The following PRR16 variants were observed in gnomAD, a reference collection of about 807,000 sequenced individuals.
PRR16 encodes the protein protein Largen.
In PRR16, 6 loss-of-function variants were observed where a neutral mutation model predicts 18.2. The observed-to-expected ratio is 0.33, with a 90% CI of 0.18 to 0.65. The LOEUF (loss-of-function observed/expected upper bound fraction) is 0.65. Ranked by LOEUF, PRR16 falls within the 30% of genes least tolerant of loss-of-function variation. PRR16 has a pLI of 0.74. For synonymous variants in PRR16, 151 were observed against 147.8 expected, an observed-to-expected ratio of 1.02 and a Z score of -0.16; for missense variants, 412 against 376.6, an observed-to-expected ratio of 1.09 and a Z score of -0.78.
chr5:120,505,126 C>T (rs1010578704), intron 1 of PRR16, among the ~76,000 whole-genome samples: 1 of 152,174 alleles, frequency 6.6e-6, no homozygotes, highest in Non-Finnish European at 1.5e-5. Context: ...TCTTTTCCTT[C>T]TGCTTTCTTT....
chr5:120,749,355 G>A, the PRR16 span, among the ~76,000 whole-genome samples: 2 of 152,102 alleles, frequency 1.3e-5, no homozygotes, highest in African/African-American at 4.8e-5. Flanking sequence ...TATGTTAGGA[G>A]TTTGAATAAT....
At chr5:120,553,222 A>G (rs1752308960) in intron 1 of PRR16, among the ~76,000 whole-genome samples, 1 of 151,894 alleles carries the variant, frequency 6.6e-6, no homozygotes, top group Admixed American at 6.6e-5. Context: ...AATGTTTGGT[A>G]GGACTACTAA....
intron 1 of PRR16, among the ~76,000 whole-genome samples, chr5:120,593,704 A>G (rs571170331): frequency 5.0e-4 from 76 of 152,138 alleles, no homozygotes; most frequent in African/African-American, 1.6e-3. Flanking sequence ...CAACGAAAGG[A>G]AGGATATCAG....
chr5:120,472,440 C>T (rs1749300202), intron 1 of PRR16, among the ~76,000 whole-genome samples: 1 of 152,094 alleles, frequency 6.6e-6, no homozygotes, highest in Non-Finnish European at 1.5e-5. Flanking sequence ...CTCCCTCCCC[C>T]CATATCACAA....
intron 1 of PRR16, among the ~76,000 whole-genome samples, chr5:120,658,550 T>A (rs1756064899): frequency 6.6e-6 from 1 of 151,950 alleles, no homozygotes; most frequent in Non-Finnish European, 1.5e-5. Context: ...GTCTAAAAAT[T>A]TACTTGCTAA....
chr5:120,479,671 TGTAAA>T (rs1749548616), intron 1 of PRR16, among the ~76,000 whole-genome samples: 1 of 152,274 alleles, frequency 6.6e-6, no homozygotes, highest in East Asian at 1.9e-4. Context: ...TGCTAGCACT[TGTAAA>T]GAAGAAGATA....
chr5:120,544,553 A>G (rs1403282072), intron 1 of PRR16, among the ~76,000 whole-genome samples: 1 of 152,134 alleles, frequency 6.6e-6, no homozygotes, highest in African/African-American at 2.4e-5. Flanking sequence ...TGACACTAAA[A>G]CCAAAACTTT....
chr5:120,561,054 T>C (rs1290715493), intron 1 of PRR16, among the ~76,000 whole-genome samples: 1 of 152,022 alleles, frequency 6.6e-6, no homozygotes. Flanking sequence ...AAATTTTATC[T>C]TTTCAAGAAA....
At chr5:120,527,225 T>C (rs66852733) in intron 1 of PRR16, among the ~76,000 whole-genome samples, 24,535 of 152,198 alleles carry the variant, frequency 0.16, 2,554 homozygotes, top group African/African-American at 0.3. Context: ...ATTTTAATGA[T>C]GAAATTCAAA....
At chr5:120,541,682 A>G (rs1751920882) in intron 1 of PRR16, among the ~76,000 whole-genome samples, 1 of 152,142 alleles carries the variant, frequency 6.6e-6, no homozygotes, top group Non-Finnish European at 1.5e-5. Context: ...AGAGTTTTAT[A>G]CTTTCATTTC....
chr5:120,739,687 G>A, the PRR16 span, among the ~76,000 whole-genome samples: 3 of 152,010 alleles, frequency 2.0e-5, no homozygotes, highest in African/African-American at 4.8e-5. Context: ...AAAATGTTTT[G>A]GCTATAGAAG....
intron 1 of PRR16, among the ~76,000 whole-genome samples, chr5:120,674,933 A>G (rs1454775509): frequency 6.6e-6 from 1 of 150,834 alleles, no homozygotes; most frequent in African/African-American, 2.4e-5. Flanking sequence ...TTTTTATTTT[A>G]TTGCTTTTTT....
chr5:120,515,377 A>C (rs990233292), intron 1 of PRR16, among the ~76,000 whole-genome samples: 1 of 152,204 alleles, frequency 6.6e-6, no homozygotes, highest in African/African-American at 2.4e-5. Flanking sequence ...GACACATTCA[A>C]ACCATAGCAA....
At chr5:120,681,965 G>C (rs1185120760) in intron 1 of PRR16, among the ~76,000 whole-genome samples, 1 of 152,170 alleles carries the variant, frequency 6.6e-6, no homozygotes, top group Non-Finnish European at 1.5e-5. Context: ...GTACTTTAGA[G>C]GACACTTCAG....
intron 1 of PRR16, among the ~76,000 whole-genome samples, chr5:120,630,615 C>G (rs1487382409): frequency 1.3e-5 from 2 of 152,096 alleles, no homozygotes; most frequent in Non-Finnish European, 1.5e-5. Flanking sequence ...AGGAAAACAT[C>G]CATGTCTTCT....
chr5:120,537,462 G>T (rs1580699833), intron 1 of PRR16, among the ~76,000 whole-genome samples: 2 of 152,200 alleles, frequency 1.3e-5, no homozygotes, highest in South Asian at 4.1e-4. Context: ...GCAAAACTCA[G>T]TGAATCTCCA....
chr5:120,683,271 T>C (rs1757026242), intron 1 of PRR16, among the ~76,000 whole-genome samples: 1 of 152,074 alleles, frequency 6.6e-6, no homozygotes, highest in Non-Finnish European at 1.5e-5. Flanking sequence ...AGCGAGTGGA[T>C]CATGAGGTCA....
At chr5:120,717,250 A>G in the PRR16 span, among the ~76,000 whole-genome samples, 1 of 152,224 alleles carries the variant, frequency 6.6e-6, no homozygotes, top group Non-Finnish European at 1.5e-5. Context: ...CTTTTCACGT[A>G]TTAATAAAAT....
At chr5:120,722,973 G>A in the PRR16 span, among the ~76,000 whole-genome samples, 4 of 151,162 alleles carry the variant, frequency 2.6e-5, no homozygotes, top group Admixed American at 6.6e-5. Context: ...TATATAATAA[G>A]CTATAAACTT....
Sources: allele counts gnomAD v4.1 joint callset (sites outside exome capture counted in the v4.1 genomes callset), GRCh38; gene constraint gnomAD v4.1.1; transcripts MANE v1.5; gene names NCBI Gene and HGNC (gene_info 2026-07-23, HGNC 2026-07-21).